Variants in ZNF516 observed in about 807,000 individuals in gnomAD.
The protein encoded by ZNF516 is zinc finger protein 516.
A neutral mutation model predicts 79.7 loss-of-function variants in ZNF516; 19 were observed. The ratio of observed to expected loss-of-function variants is 0.24; its 90% CI spans 0.17 to 0.35. ZNF516 has a LOEUF of 0.35. ZNF516 is among the 10% of genes least tolerant of loss of function. ZNF516 has a pLI of 1.00. For missense variants in ZNF516, 1,678 were observed against 1,679.5 expected, an observed-to-expected ratio of 1.00 and a Z score of 0.02; for synonymous variants, 877 against 739.5, an observed-to-expected ratio of 1.19 and a Z score of -3.02.
chr18:76,466,889 C>A (rs943384977), intron 1 of ZNF516, among the ~76,000 whole-genome samples: 1 of 152,194 alleles, frequency 6.6e-6, no homozygotes, highest in East Asian at 1.9e-4. Flanking sequence ...GGTGATGCCA[C>A]GGGCGGTGAA....
chr18:76,371,378 T>C, intron 5 of ZNF516, 89 bp downstream of exon 5: 1 of 1,308,452 alleles, frequency 7.6e-7, no homozygotes, highest in Non-Finnish European at 1.0e-6. Flanking sequence ...AATCTCAGTA[T>C]CTCCCTCGCT....
At chr18:76,485,868 T>TAA (rs36043507) in intron 1 of ZNF516, among the ~76,000 whole-genome samples, 23,540 of 138,082 alleles carry the variant, frequency 0.17, 2,195 homozygotes, top group South Asian at 0.38. Flanking sequence ...CTCATTTCTT[T>TAA]AAAAAAAAAA....
chr18:76,431,791 C>CA (rs2075664698), intron 3 of ZNF516, among the ~76,000 whole-genome samples: 2 of 152,336 alleles, frequency 1.3e-5, no homozygotes, highest in East Asian at 3.9e-4. Context: ...CAGATGCTGG[C>CA]ACCATGCTCC....
intron 3 of ZNF516, among the ~76,000 whole-genome samples, chr18:76,433,969 G>A (rs1042821399): frequency 3.9e-5 from 6 of 152,200 alleles, no homozygotes; most frequent in South Asian, 2.1e-4. Flanking sequence ...CACCGCGACC[G>A]CCAGCACCTT....
At chr18:76,363,881 A>G (rs2074576549) in intron 6 of ZNF516, among the ~76,000 whole-genome samples, 1 of 152,234 alleles carries the variant, frequency 6.6e-6, no homozygotes, top group Non-Finnish European at 1.5e-5. Context: ...TAGCAAACAT[A>G]GACGTCAGGG....
At chr18:76,419,621 G>C in intron 3 of ZNF516, among the ~76,000 whole-genome samples, 1 of 152,130 alleles carries the variant, frequency 6.6e-6, no homozygotes, top group Non-Finnish European at 1.5e-5. Context: ...CTGTTCTCGT[G>C]ACAGCGAATA....
At chr18:76,482,686 GTATC>G (rs1203174058) in intron 1 of ZNF516, among the ~76,000 whole-genome samples, 4 of 152,220 alleles carry the variant, frequency 2.6e-5, no homozygotes, top group African/African-American at 7.2e-5. Flanking sequence ...AAATTAGAGA[GTATC>G]TGTCTGTATC....
At chr18:76,384,129 C>A (rs2074939243) in intron 3 of ZNF516, among the ~76,000 whole-genome samples, 1 of 152,182 alleles carries the variant, frequency 6.6e-6, no homozygotes, top group Admixed American at 6.5e-5. Context: ...ACTTCCCATT[C>A]TCGTGTGCAC....
Position 76,442,761 on chromosome 18 carries a change from G to A in ZNF516, c.294C>T (p.Gly98=), listed in dbSNP as rs1911787347. The A allele has an allele frequency of 6.3e-7, 1 of 1,590,320 alleles. No individual in the cohort carries two copies. Among genetic ancestry groups the A allele is most frequent in the South Asian group, 1.1e-5 (1 of 88,328 alleles). Reference sequence around the variant, plus strand: ...CGCGCATCTCACCCAGCGGCGCCTCGCCCGCCTCCGGCTCGTGTCCCTGAA... The same window carrying A: ...CGCGCATCTCACCCAGCGGCGCCTCACCCGCCTCCGGCTCGTGTCCCTGAA... ...TLIQGHEPEA[G]EAPLGEMRAS... The change falls in exon 3 of 7, where the codon GGC becomes GGT. Residue 98 remains glycine, a synonymous_variant. Coordinates refer to ENST00000443185, the MANE Select transcript of ZNF516 (RefSeq NM_014643.4).
intron 2 of ZNF516, among the ~76,000 whole-genome samples, chr18:76,455,559 G>A (rs1023114697): frequency 2.6e-5 from 4 of 152,194 alleles, no homozygotes; most frequent in Non-Finnish European, 4.4e-5. Flanking sequence ...ACAGCCAAGG[G>A]CAGACAGGAG....
At chr18:76,444,764 T>C (rs1195937425) in intron 2 of ZNF516, among the ~76,000 whole-genome samples, 1 of 152,178 alleles carries the variant, frequency 6.6e-6, no homozygotes, top group Admixed American at 6.5e-5. Flanking sequence ...TCGGGGATTC[T>C]GAGCATTTTG....
rs373540251 is a variant in ZNF516, at chr18:76,360,646, A to AAAAAATATATATATAT, written c.*1851_*1852insATATATATATATTTTT. 9 of 72,494 alleles carry AAAAAATATATATATAT rather than the reference A, an allele frequency of 1.2e-4. No homozygotes were observed. Among genetic ancestry groups the AAAAAATATATATATAT allele is most frequent in the Non-Finnish European group, 2.2e-4 (8 of 36,934 alleles). 4.5% of individuals were successfully genotyped at this position (72,494 alleles called of 1,614,324 possible). The stretch of plus-strand genomic sequence containing the variant: ...AAAAAAATAAGTAAAAAAAAAAAAA[A>AAAAAATATATATATAT]ATATATATATATATATATATATATA... On this transcript the variant is annotated 3_prime_UTR_variant, in exon 7 of 7. Transcript: ENST00000443185.
chr18:76,397,935 C>T (rs2075168265), intron 3 of ZNF516, among the ~76,000 whole-genome samples: 1 of 152,100 alleles, frequency 6.6e-6, no homozygotes, highest in Non-Finnish European at 1.5e-5. Context: ...AAAACAGTCC[C>T]AAATTAAATA....
intron 3 of ZNF516, among the ~76,000 whole-genome samples, chr18:76,420,790 A>G (rs1006276621): frequency 6.6e-6 from 1 of 152,214 alleles, no homozygotes; most frequent in Non-Finnish European, 1.5e-5. Context: ...CAAAAGTAAA[A>G]ATGTACTTTC....
chr18:76,464,910 G>A (rs1411179996), intron 1 of ZNF516, among the ~76,000 whole-genome samples: 2 of 152,180 alleles, frequency 1.3e-5, no homozygotes, highest in Non-Finnish European at 2.9e-5. Flanking sequence ...ATGGATGCTA[G>A]AGCCCCAGTA....
chr18:76,384,898 C>T (rs1449319300), intron 3 of ZNF516, among the ~76,000 whole-genome samples: 1 of 152,206 alleles, frequency 6.6e-6, no homozygotes. Flanking sequence ...ATGGCGTGGC[C>T]CTGCATAGAT....
chr18:76,386,930 G>GA (rs1426902880), intron 3 of ZNF516: 1 of 152,108 alleles, frequency 6.6e-6, no homozygotes, highest in African/African-American at 2.4e-5. Context: ...CTTCCCACAG[G>GA]AAAAAACCTG....
intron 3 of ZNF516, among the ~76,000 whole-genome samples, chr18:76,424,115 C>T (rs1418790338): frequency 1.9e-5 from 2 of 106,950 alleles, no homozygotes; most frequent in East Asian, 6.0e-4. Flanking sequence ...TCCCCCGAAA[C>T]ACACGCAGGT....
chr18:76,379,944 G>A lies in ZNF516; in HGVS notation c.2170C>T (p.Arg724Trp), dbSNP rs550742823. 1.9e-4 allele frequency: 301 copies of A among 1,613,998 alleles called. 1 individual carries two copies. In the South Asian group the frequency reaches 2.9e-3, roughly 16 times the overall value. ...GGCATGAGGTCTGGGGCCAGCGCCCGCTTCCCTCCCCCAGAGTGTTCCTTG... is the reference window on the plus strand; with the variant it reads ...GGCATGAGGTCTGGGGCCAGCGCCCACTTCCCTCCCCCAGAGTGTTCCTTG... ...HNKEHSGGGKRALAPDLMPLD... is the reference protein window; with the variant it reads ...HNKEHSGGGKWALAPDLMPLD... The change falls in exon 4 of 7, where the codon CGG (arginine) becomes TGG (tryptophan). Residue 724 changes from arginine to tryptophan, a missense_variant. This residue lies in a region of ZNF516 where 1,294 missense variants were observed against 1,248.3 expected (regional missense o/e 1.04). Transcript: ENST00000443185.
Sources: gnomAD v4.1 joint callset for allele counts (sites outside exome capture counted in the v4.1 genomes callset) on GRCh38, gnomAD v4.1.1 for gene constraint, gnomAD v4.1.1 regional missense constraint, MANE v1.5 for transcripts, NCBI Gene and HGNC (gene_info 2026-07-23, HGNC 2026-07-21) for gene names.